KIFC3: variants seen among roughly 807,000 people sequenced by gnomAD.
KIFC3 encodes kinesin family member C3.
In KIFC3, 60 loss-of-function variants were observed where a neutral mutation model predicts 101.8. The ratio of observed to expected loss-of-function variants is 0.59; its 90% CI spans 0.48 to 0.73. KIFC3 has a LOEUF of 0.73. Ranked by LOEUF, KIFC3 falls within the 30% of genes least tolerant of loss-of-function variation. The probability of loss-of-function intolerance (pLI) is 0.00; values close to 1 mark genes in which losing one functional copy is unlikely to be tolerated. For missense variants in KIFC3, 966 were observed against 1,137.1 expected (o/e 0.85, Z 2.16); for synonymous variants, 476 against 482.7 (o/e 0.99, Z 0.18).
intron 1 of KIFC3, among the ~76,000 whole-genome samples, chr16:57,824,378 G>T (rs2055416582): frequency 6.6e-6 from 1 of 152,186 alleles, no homozygotes; most frequent in African/African-American, 2.4e-5. Flanking sequence ...GATGTTCACT[G>T]CAGAGAACAA....
chr16:57,810,240 G>A (rs537926762), intron 1 of KIFC3, among the ~76,000 whole-genome samples: 18 of 152,286 alleles, frequency 1.2e-4, no homozygotes, highest in Middle Eastern at 3.4e-3. Flanking sequence ...GGGGCCATAA[G>A]GGAAGCCACG....
intron 1 of KIFC3, among the ~76,000 whole-genome samples, chr16:57,828,509 A>G (rs1407453430): frequency 1.3e-5 from 2 of 152,190 alleles, no homozygotes; most frequent in African/African-American, 4.8e-5. Flanking sequence ...GCTTGTCATC[A>G]TCTACCTGAG....
At chr16:57,822,636 G>T (rs2055375292) in intron 1 of KIFC3, among the ~76,000 whole-genome samples, 1 of 152,084 alleles carries the variant, frequency 6.6e-6, no homozygotes, top group Non-Finnish European at 1.5e-5. Flanking sequence ...GGTGGAGGTT[G>T]CAGTGAGCCG....
At chr16:57,855,749 C>A (rs1267355864) in intron 1 of KIFC3, among the ~76,000 whole-genome samples, 1 of 151,858 alleles carries the variant, frequency 6.6e-6, no homozygotes, top group East Asian at 1.9e-4. Flanking sequence ...AGTTCGAGAC[C>A]AGCCTGGCCA....
chr16:57,816,544 C>T (rs774391245), intron 1 of KIFC3: 9 of 456,636 alleles, frequency 2.0e-5, no homozygotes, highest in East Asian at 6.9e-5. Flanking sequence ...ACACGGGCTG[C>T]GAGTGACAGC....
At chr16:57,804,895 G>C (rs1555626603), upstream of KIFC3, among the ~76,000 whole-genome samples, 1 of 140,674 alleles carries the variant, frequency 7.1e-6, no homozygotes, top group Non-Finnish European at 1.5e-5. Flanking sequence ...GAATCACTGT[G>C]CCTGACTCAA....
upstream of KIFC3, chr16:57,803,445 C>T (rs565712525): frequency 4.2e-6 from 2 of 478,846 alleles, no homozygotes; most frequent in Admixed American, 2.3e-5. Context: ...TGCAGGCTGA[C>T]GGTTCTGCAG....
At chr16:57,836,917 C>A (rs180847931) in intron 1 of KIFC3, among the ~76,000 whole-genome samples, 17 of 152,250 alleles carry the variant, frequency 1.1e-4, no homozygotes, top group Admixed American at 9.2e-4. Flanking sequence ...TGGTCTCAAA[C>A]TCCTGGTATA....
intron 7 of KIFC3, 118 bp from the exon 8 acceptor site, chr16:57,770,073 T>C: frequency 8.0e-6 from 10 of 1,251,748 alleles, no homozygotes; most frequent in Non-Finnish European, 1.1e-5. Context: ...CACACACACA[T>C]GTGCACACCC....
chr16:57,760,254 T>C, intron 17 of KIFC3, 28 bp downstream of exon 17: 1 of 1,595,738 alleles, frequency 6.3e-7, no homozygotes, highest in Non-Finnish European at 8.6e-7. Flanking sequence ...CAGGGCCACC[T>C]GAGCCAGGCC....
intron 1 of KIFC3, chr16:57,815,751 C>T (rs1028051009): frequency 2.1e-5 from 20 of 953,044 alleles, no homozygotes; most frequent in African/African-American, 1.0e-4. Flanking sequence ...GCTTGTCCCA[C>T]GGCCAAGTTG....
In KIFC3 at chr16:57,790,849, A is replaced by C. The variant is rs1338911616; in HGVS notation, c.315+4150T>G. ...TTGAAAAGACAAGAAAAGTGACATC[A>C]GCAGGCTCCTTAGCCCAAAATTCAC... is the stretch of plus-strand genomic sequence containing the variant. On this transcript the variant is annotated intron_variant, in intron 3 of 19. Transcript: ENST00000445690. 3.3e-6 allele frequency: 3 copies of C among 903,848 alleles called. No homozygotes were observed. The African/African-American group carries it at 5.3e-5, about 16-fold the overall frequency. The allele number at this position is 903,848 out of a possible 1,614,324, so 56.0% of individuals were successfully genotyped here.
chr16:57,811,749 C>G (rs1173345789), intron 1 of KIFC3, among the ~76,000 whole-genome samples: 1 of 151,804 alleles, frequency 6.6e-6, no homozygotes. Flanking sequence ...AACCCTGTCT[C>G]TACTAAAAAT....
chr16:57,810,597 G>T, intron 1 of KIFC3: 3 of 935,376 alleles, frequency 3.2e-6, no homozygotes, highest in Non-Finnish European at 3.8e-6. Context: ...TTCCAAGGGA[G>T]GGGAGGGACA....
Position 57,764,262 on chromosome 16 carries a change from G to GGGT in KIFC3, c.1513-16_1513-15insACC. ...TCCTGGAACACCTGGGAGGGTGGTGGGAGGGAGGCTGGTGGGGGGGCTTCC... is the reference window on the plus strand; with the variant it reads ...TCCTGGAACACCTGGGAGGGTGGTGGGGTGAGGGAGGCTGGTGGGGGGGCTTCC... On this transcript the variant is annotated splice_polypyrimidine_tract_variant and intron_variant, in intron 11 of 19. Transcript: ENST00000445690. 1 of 1,509,420 alleles carries GGGT rather than the reference G, an allele frequency of 6.6e-7. No individual in the cohort carries two copies. Among genetic ancestry groups the GGGT allele is most frequent in the Non-Finnish European group, 9.1e-7 (1 of 1,099,662 alleles). The allele number at this position is 1,509,420 out of a possible 1,614,324, so 93.5% of individuals were successfully genotyped here.
At chr16:57,780,667 A>ATTTTTT (rs1191334568) in intron 3 of KIFC3, among the ~76,000 whole-genome samples, 6 of 69,954 alleles carry the variant, frequency 8.6e-5, no homozygotes, top group African/African-American at 1.1e-4. Flanking sequence ...CTGAAGACAA[A>ATTTTTT]TTTTTTTTTT....
chr16:57,770,910 C>A (rs1444469964), intron 6 of KIFC3, among the ~76,000 whole-genome samples: 1 of 152,194 alleles, frequency 6.6e-6, no homozygotes, highest in East Asian at 1.9e-4. Flanking sequence ...CTACTATGAG[C>A]CTGGCTGGGG....
chr16:57,860,453 C>CAA (rs142411722), intron 1 of KIFC3, among the ~76,000 whole-genome samples: 1 of 151,998 alleles, frequency 6.6e-6, no homozygotes, highest in Non-Finnish European at 1.5e-5. Context: ...AACTCTGTCT[C>CAA]AAAAAAATTT....
At chr16:57,772,567 C>A (rs1474737979) in intron 3 of KIFC3, among the ~76,000 whole-genome samples, 1 of 152,288 alleles carries the variant, frequency 6.6e-6, no homozygotes, top group African/African-American at 2.4e-5. Flanking sequence ...CCAAGGCCAC[C>A]CCGATGCCCC....
Sources: gnomAD v4.1 joint callset for allele counts (sites outside exome capture counted in the v4.1 genomes callset) on GRCh38, gnomAD v4.1.1 for gene constraint, MANE v1.5 for transcripts, NCBI Gene and HGNC (gene_info 2026-07-23, HGNC 2026-07-21) for gene names.